The following JAK3 variants were observed in gnomAD, a reference collection of about 807,000 sequenced individuals.
JAK3 encodes the protein tyrosine-protein kinase JAK3.
A neutral mutation model predicts 120.8 loss-of-function variants in JAK3; 88 were observed. The ratio of observed to expected loss-of-function variants is 0.73; its 90% confidence interval spans 0.61 to 0.87. The LOEUF is 0.87. JAK3 is among the 40% of genes least tolerant of loss of function. The pLI is 0.00. For synonymous variants in JAK3, 592 were observed against 628.6 expected, an observed-to-expected ratio of 0.94 and a Z score of 0.87; for missense variants, 1,254 against 1,501.4, an observed-to-expected ratio of 0.84 and a Z score of 2.72.
intron 1 of JAK3, among the ~76,000 whole-genome samples, chr19:17,846,883 C>G (rs1185978159): frequency 2.0e-5 from 3 of 147,308 alleles, no homozygotes; most frequent in Admixed American, 1.3e-4. Context: ...CATTGCCCAG[C>G]CTTTTTATTT....
intron 1 of JAK3, among the ~76,000 whole-genome samples, chr19:17,845,815 T>C (rs2094250874): frequency 6.6e-6 from 1 of 151,914 alleles, no homozygotes; most frequent in East Asian, 1.9e-4. Context: ...TGGGGCGGCA[T>C]TAATGAGGGT....
intron 21 of JAK3, 111 bp from the exon 22 acceptor site, chr19:17,830,731 G>T: frequency 2.4e-6 from 2 of 834,460 alleles, no homozygotes; most frequent in East Asian, 2.5e-5. Flanking sequence ...GAGCAGGTCA[G>T]TCCCGTCTCC....
In JAK3 at chr19:17,841,745, G is replaced by A. The variant is rs2147695645; in HGVS notation, c.879C>T (p.Cys293=). 1 of 1,608,522 alleles carries A rather than the reference G, an allele frequency of 6.2e-7. No individual in the cohort carries two copies. The highest frequency in any genetic ancestry group is 1.1e-5 in the South Asian group (1 of 91,084). Residue 293 remains cysteine (C), a synonymous_variant, in exon 7 of 24, where the codon TGC becomes TGT. Coordinates refer to ENST00000458235, the MANE Select transcript of JAK3 (RefSeq NM_000215.4). The surrounding 1 kb of genome is among the most constrained non-coding windows in gnomAD (Gnocchi z 4.1). The part of the protein sequence containing the change: ...QGEQEVLQPF[C]DFPEIVDISI... ...TAATGTCTACGATTTCTGGAAAGTC[G>A]CAGAAGGGCTGGAGGACCTGGGAAG...
intron 8 of JAK3, 46 bp from the exon 9 acceptor site, chr19:17,840,387 G>A (rs1383994063): frequency 1.5e-6 from 2 of 1,301,614 alleles, no homozygotes; most frequent in African/African-American, 2.9e-5. Flanking sequence ...AGAGATAGAA[G>A]AAGACAGAGA....
chr19:17,830,386 G>A, intron 22 of JAK3, 117 bp downstream of exon 22: 1 of 965,398 alleles, frequency 1.0e-6, no homozygotes, highest in Non-Finnish European at 1.6e-6. Context: ...TGGGGCCTAT[G>A]ATGCTGGGAC....
Position 17,843,867 on chromosome 19 carries a change from A to C in JAK3, c.218T>G (p.Leu73Arg), listed in dbSNP as rs1064793156. 3 of 1,613,594 alleles carry C rather than the reference A, an allele frequency of 1.9e-6. No individual in the cohort carries two copies. In the African/African-American group the frequency reaches 4.0e-5, roughly 22 times the overall value. Reference protein sequence around the residue: ...ILPVYHSLFALATEDLSCWFP... With the variant: ...ILPVYHSLFARATEDLSCWFP... ...CCAGCAGGACAGGTCCTCCGTGGCC[A>C]GAGCAAAGAGGGAGTGGTACACAGG... Residue 73 changes from leucine to arginine, a missense_variant, in exon 3 of 24, where the codon CTG becomes CGG. Transcript: ENST00000458235. The surrounding 1 kb of genome is among the most constrained non-coding windows in gnomAD (Gnocchi z 5.4).
chr19:17,840,623 C>T (rs1326829049), intron 8 of JAK3, among the ~76,000 whole-genome samples: 2 of 151,856 alleles, frequency 1.3e-5, no homozygotes, highest in Non-Finnish European at 2.9e-5. Context: ...AATAGCCGGG[C>T]GTGGTGGCGA....
rs1406851421 is a variant in JAK3 at position 17,842,002 on chromosome 19, C to T, written c.862-240G>A. 6.6e-6 allele frequency among the ~76,000 whole-genome samples: 1 copy of T among 151,858 alleles called. No individual in the cohort carries two copies. Among genetic ancestry groups the T allele is most frequent in the East Asian group, 1.9e-4 (1 of 5,172 alleles). ...CTCTGCCGGACCCCGCCCCTTGATC[C>T]CTGCCCCGCTTCGCAGCCTCCCAGC... On this transcript the variant is annotated intron_variant, in intron 6 of 23. Transcript: ENST00000458235. The surrounding 1 kb of genome is among the most constrained non-coding windows in gnomAD (Gnocchi z 6.4).
At chr19:17,833,008 T>C in intron 17 of JAK3, 79 bp from the exon 18 acceptor site, 1 of 1,550,556 alleles carries the variant, frequency 6.4e-7, no homozygotes. Flanking sequence ...CTGTGCAACC[T>C]CCATCTGCAT....
intron 8 of JAK3, among the ~76,000 whole-genome samples, chr19:17,840,566 A>C (rs2094235794): frequency 6.6e-6 from 1 of 151,996 alleles, no homozygotes. Flanking sequence ...GATCAACACC[A>C]TCCTGGCTAA....
rs778604666 is a variant in JAK3, at chr19:17,830,019, AG to A, written c.3207+88del. ...GCCTCACACTCTAGCCTTTCTTCTC[AG>A]TACAGAGACTCAGGCGCCAGCTGGC... On this transcript the variant is annotated intron_variant, in intron 23 of 23. Transcript: ENST00000458235. 2.3e-3 allele frequency: 2,097 copies of A among 923,180 alleles called. 32 individuals carry two copies. In the African/African-American group the frequency reaches 0.029, roughly 13 times the overall value. The allele number at this position is 923,180 out of a possible 1,614,324, so 57.2% of individuals were successfully genotyped here. A position where few individuals can be genotyped will look rare whatever the true frequency, so the allele number is the denominator to read the frequency against.
At position 17,842,447 on chromosome 19, in the gene JAK3, G is replaced by T; in HGVS notation, c.730C>A (p.Arg244=). 2 of 1,593,702 alleles carry T rather than the reference G, an allele frequency of 1.3e-6. No homozygotes were observed. ...LMAKYIMDLE[R]LDPAGAAETF... ...TCGGCGGCCCCGGCTGGATCCAGCCGCTCCAGGTCCATGATGTACTTGGCC... is the reference window on the plus strand; with the variant it reads ...TCGGCGGCCCCGGCTGGATCCAGCCTCTCCAGGTCCATGATGTACTTGGCC... The change falls in exon 6 of 24, where the codon CGG becomes AGG. Residue 244 remains arginine (R), a synonymous_variant. Transcript: ENST00000458235. This position sits in a 1 kb window ranked among gnomAD's most constrained non-coding sequence, Gnocchi z 6.4.
At position 17,834,793 on chromosome 19, in the gene JAK3, A is replaced by C. The variant is rs892762312; in HGVS notation, c.2199+59T>G. On this transcript the variant is annotated intron_variant, in intron 16 of 23. Transcript: ENST00000458235. ...CCCCAATCTCCCCAGACTGGATGTC[A>C]GTCTGCCCTTCTGTCAAAGTGGGGG... 3 of 1,613,510 alleles carry C rather than the reference A, an allele frequency of 1.9e-6. No individual in the cohort carries two copies. In the African/African-American group the frequency reaches 4.0e-5, roughly 22 times the overall value.
At position 17,844,203 on chromosome 19, in the gene JAK3, C is replaced by G. The variant is rs202133487; in HGVS notation, c.184+31G>C. On this transcript the variant is annotated intron_variant, in intron 2 of 23. Coordinates refer to ENST00000458235, the MANE Select transcript of JAK3 (RefSeq NM_000215.4). Reference sequence around the variant, plus strand: ...TGGCCCCACACAGCCCCATCCTTCCCTCTGGCCCGATCCACTAGGGATGCA... The same window carrying G: ...TGGCCCCACACAGCCCCATCCTTCCGTCTGGCCCGATCCACTAGGGATGCA... The G allele has an allele frequency of 2.1e-5, 33 of 1,556,816 alleles. No individual in the cohort carries two copies. In the East Asian group the frequency reaches 7.2e-4, roughly 34 times the overall value.
Position 17,843,579 on chromosome 19 carries a change from G to A in JAK3, c.309-88C>T, listed in dbSNP as rs2094245195. On this transcript the variant is annotated intron_variant, in intron 3 of 23. Transcript: ENST00000458235. This position sits in a 1 kb window ranked among gnomAD's most constrained non-coding sequence, Gnocchi z 5.4. ...ATGGTGGGGGCGAGGGACAGATTCT[G>A]CGGAGGCCTCACAGAGCCCAGCTTG... 1.7e-6 allele frequency: 2 copies of A among 1,193,472 alleles called. No homozygotes were observed. The highest frequency in any genetic ancestry group is 2.5e-6 in the Non-Finnish European group (2 of 810,932). 73.9% of individuals were successfully genotyped at this position (1,193,472 alleles called of 1,614,324 possible). A position where few individuals can be genotyped will look rare whatever the true frequency, so the allele number is the denominator to read the frequency against.
intron 8 of JAK3, 86 bp from the exon 9 acceptor site, chr19:17,840,427 A>G (rs1261435624): frequency 7.8e-6 from 7 of 894,504 alleles, no homozygotes; most frequent in Middle Eastern, 3.1e-4. Context: ...GTACCTCTGT[A>G]GCCCTGGGAT....
chr19:17,835,950 G>A lies in JAK3; in HGVS notation c.1888C>T (p.Gln630Ter). 1 of 1,614,104 alleles carries A rather than the reference G, an allele frequency of 6.2e-7. No homozygotes were observed. Among genetic ancestry groups the A allele is most frequent in the Non-Finnish European group, 8.5e-7 (1 of 1,180,046 alleles). ...PASWKLQVVK[Q>*]LAYALNYLED... ...AGATAGTTGAGGGCGTAGGCCAGCTGTTTGACCACCTGCAGCTTCCAGCTG... is the reference window on the plus strand; with the variant it reads ...AGATAGTTGAGGGCGTAGGCCAGCTATTTGACCACCTGCAGCTTCCAGCTG... Residue 630 changes from glutamine (Q) to a stop codon, truncating the protein, a stop_gained, in exon 14 of 24, where the codon CAG becomes TAG. Coordinates refer to ENST00000458235, the MANE Select transcript of JAK3 (RefSeq NM_000215.4). LOFTEE classifies it high-confidence loss of function.
At position 17,839,493 on chromosome 19, in the gene JAK3, A is replaced by G. The variant is rs767094408; in HGVS notation, c.1425T>C (p.Cys475=). 11 of 1,588,502 alleles carry G rather than the reference A, an allele frequency of 6.9e-6. No homozygotes were observed. The South Asian group carries it at 1.1e-4, about 17-fold the overall frequency. ...GGGGCTCACCTTTGGGTCTGGGGAT[A>G]CAGCAGGAAGTGAGGGTCACTGCCA... ...DGVAVTLTSC[C]IPRPKEKSNL... The change falls in exon 10 of 24, where the codon TGT becomes TGC. Residue 475 remains cysteine (C), a synonymous_variant. Coordinates refer to ENST00000458235, the MANE Select transcript of JAK3 (RefSeq NM_000215.4).
chr19:17,834,134 G>A (rs187415419), intron 17 of JAK3, among the ~76,000 whole-genome samples: 170 of 152,174 alleles, frequency 1.1e-3, no homozygotes, highest in African/African-American at 3.9e-3. Context: ...GATCACCTGA[G>A]GTCAAGAGTT....
Sources: gnomAD v4.1 joint callset for allele counts (sites outside exome capture counted in the v4.1 genomes callset) on GRCh38, gnomAD v4.1.1 for gene constraint, Gnocchi (gnomAD v3.1) non-coding constraint, MANE v1.5 for transcripts, NCBI Gene and HGNC (gene_info 2026-07-23, HGNC 2026-07-21) for gene names.